Variants in TADA2B observed in about 807,000 individuals in gnomAD.
The protein encoded by TADA2B is transcriptional adapter 2-beta.
In TADA2B, 13 loss-of-function variants were observed where a neutral mutation model predicts 34.5. That is an observed-to-expected ratio of 0.38 (90% confidence interval 0.25 to 0.60). The LOEUF (loss-of-function observed/expected upper bound fraction) is 0.60, where lower values mean the gene tolerates loss of function less well. Among genes scored for constraint, TADA2B ranks in the 20% least tolerant of loss-of-function variants. The pLI is 0.65. For synonymous variants in TADA2B, 240 were observed against 243.4 expected, an observed-to-expected ratio of 0.99 and a Z score of 0.13; for missense variants, 442 against 575.0, an observed-to-expected ratio of 0.77 and a Z score of 2.37.
At chr4:7,049,143 A>C (rs1054315585) in intron 1 of TADA2B, among the ~76,000 whole-genome samples, 4 of 152,082 alleles carry the variant, frequency 2.6e-5, no homozygotes, top group African/African-American at 9.7e-5. Context: ...CAGTGGCACA[A>C]TCATGGCTCA....
At chr4:7,048,322 G>T (rs1383109328) in intron 1 of TADA2B, among the ~76,000 whole-genome samples, 1 of 152,124 alleles carries the variant, frequency 6.6e-6, no homozygotes, top group Non-Finnish European at 1.5e-5. Context: ...TGGCTGGGAG[G>T]GGCAGGGCAC....
In TADA2B at chr4:7,054,361, C is replaced by T; in HGVS notation, c.570C>T (p.Val190=). ...DAETLISGLS[V]NYDDDDVEIE... ...AGACGCTCATCAGCGGGCTCTCTGT[C>T]AACTATGATGACGACGACGTGGAGA... The change falls in exon 2 of 2, where the codon GTC becomes GTT. Residue 190 remains valine (V), a synonymous_variant. Coordinates refer to ENST00000310074, the MANE Select transcript of TADA2B (RefSeq NM_152293.3). 1 of 1,613,574 alleles carries T rather than the reference C, an allele frequency of 6.2e-7. No homozygotes were observed. Among genetic ancestry groups the T allele is most frequent in the Non-Finnish European group, 8.5e-7 (1 of 1,179,904 alleles).
chr4:7,053,530 T>C (rs907522), intron 1 of TADA2B: 139,734 of 153,002 alleles, frequency 0.91, 64,560 homozygotes, highest in East Asian at 1. Flanking sequence ...TTCCAGCGGG[T>C]GGCAACATGG....
In TADA2B at chr4:7,057,024, A is replaced by C. The variant is rs559155965; in HGVS notation, c.*1970A>C. On this transcript the variant is annotated 3_prime_UTR_variant, in exon 2 of 2. Coordinates refer to ENST00000310074, the MANE Select transcript of TADA2B (RefSeq NM_152293.3). ...AGGTGACTGGATGTAAGCTTGCTTG[A>C]GAACTATGGGTTTTAGCTATTCTGG... The C allele has an allele frequency of 2.6e-5, 4 of 152,360 alleles. No individual in the cohort carries two copies. The highest frequency in any genetic ancestry group is 9.6e-5 in the African/African-American group (4 of 41,580). The allele number at this position is 152,360 out of a possible 1,614,324, so 9.4% of individuals were successfully genotyped here.
rs1254366337 is a variant in TADA2B at position 7,043,674 on chromosome 4, GCC to G, written c.98_99del (p.Pro33ArgfsTer127). 1 of 1,584,250 alleles carries G rather than the reference GCC, an allele frequency of 6.3e-7. No individual in the cohort carries two copies. The highest frequency in any genetic ancestry group is 8.6e-7 in the Non-Finnish European group (1 of 1,168,176). ...ACCGAGTGCCAGGACATCGAGCTGT[GCC>G]CCGAGTGCTTCTCGGCCGGCGCCGA... On this transcript the variant is annotated frameshift_variant, in exon 1 of 2. Transcript: ENST00000310074. LOFTEE classifies it high-confidence loss of function.
rs1001475937 is a variant in TADA2B at position 7,057,284 on chromosome 4, G to A, written c.*2230G>A. The A allele has an allele frequency of 2.6e-5, 4 of 152,198 alleles. No individual in the cohort carries two copies. The highest frequency in any genetic ancestry group is 1.3e-4 in the Admixed American group (2 of 15,286). 9.4% of individuals were successfully genotyped at this position (152,198 alleles called of 1,614,324 possible). A position where few individuals can be genotyped will look rare whatever the true frequency, so the allele number is the denominator to read the frequency against. On this transcript the variant is annotated 3_prime_UTR_variant, in exon 2 of 2. Transcript: ENST00000310074. ...ATGAAGAATTTATTTAGGCTTGACT[G>A]TTTTAAAACACCATAATGAATGTAT... is the stretch of plus-strand genomic sequence containing the variant.
Position 7,054,413 on chromosome 4 carries a change from A to G in TADA2B, c.622A>G (p.Met208Val), listed in dbSNP as rs1463633096. ...CGAGCTGAAGCGCGCCCACGTGGAC[A>G]TGTACGTGCGGAAGCTGAAAGAGAG... ...EIELKRAHVD[M>V]YVRKLKERQR... Residue 208 changes from methionine to valine, a missense_variant, in exon 2 of 2, where the codon ATG becomes GTG. Met to Val is a conservative substitution (Grantham distance 21, BLOSUM62 1). This residue lies in a region of TADA2B where 222 missense variants were observed against 235.2 expected (regional missense o/e 0.94). Coordinates refer to ENST00000310074, the MANE Select transcript of TADA2B (RefSeq NM_152293.3). The G allele has an allele frequency of 3.1e-6, 5 of 1,613,690 alleles. No homozygotes were observed. The highest frequency in any genetic ancestry group is 3.4e-6 in the Non-Finnish European group (4 of 1,179,892).
intron 1 of TADA2B, among the ~76,000 whole-genome samples, chr4:7,047,281 T>C (rs1723653147): frequency 6.6e-6 from 1 of 152,302 alleles, no homozygotes; most frequent in East Asian, 1.9e-4. Flanking sequence ...GGAGGGCCAG[T>C]GCTCCTCTGC....
Position 7,054,208 on chromosome 4 carries a change from C to A in TADA2B, c.417C>A (p.Ser139Arg). ...GCGTGACAGACCACACCTGTCCCAG[C>A]GGAGGCCCCCTCTCACCCAGCCTCA... The part of the protein sequence containing the change: ...PNRVTDHTCP[S>R]GGPLSPSLTT... Residue 139 changes from serine (S) to arginine (R), a missense_variant, in exon 2 of 2, where the codon AGC (serine) becomes AGA (arginine). This residue lies in a region of TADA2B where 222 missense variants were observed against 235.2 expected (regional missense o/e 0.94). Transcript: ENST00000310074. 1 of 1,606,126 alleles carries A rather than the reference C, an allele frequency of 6.2e-7. No individual in the cohort carries two copies. Among genetic ancestry groups the A allele is most frequent in the Non-Finnish European group, 8.5e-7 (1 of 1,176,506 alleles).
At chr4:7,051,372 C>T (rs542511595) in intron 1 of TADA2B, among the ~76,000 whole-genome samples, 2 of 152,294 alleles carry the variant, frequency 1.3e-5, no homozygotes, top group Middle Eastern at 3.4e-3. Flanking sequence ...AGGGCACCTC[C>T]AGCAGGGTGG....
intron 1 of TADA2B, among the ~76,000 whole-genome samples, chr4:7,052,215 C>T (rs564501760): frequency 2.6e-5 from 4 of 152,376 alleles, no homozygotes; most frequent in East Asian, 3.9e-4. Context: ...AGGCCAAGGC[C>T]GGCTCTGCCC....
At chr4:7,052,407 A>G (rs1208736140) in intron 1 of TADA2B, among the ~76,000 whole-genome samples, 1 of 152,238 alleles carries the variant, frequency 6.6e-6, no homozygotes, top group Non-Finnish European at 1.5e-5. Flanking sequence ...TATCTGTTTC[A>G]GAGGCCATTG....
chr4:7,052,300 G>C (rs1199926401), intron 1 of TADA2B, among the ~76,000 whole-genome samples: 7 of 152,262 alleles, frequency 4.6e-5, no homozygotes, highest in Non-Finnish European at 7.3e-5. Flanking sequence ...AGGCACCCCA[G>C]GATGTTCACC....
chr4:7,051,315 TGCCCTACCAGGTGGACCCCAGCCCCTA>T lies in TADA2B; in HGVS notation c.271-2743_271-2717del, dbSNP rs554121340. On this transcript the variant is annotated intron_variant, in intron 1 of 1. Coordinates refer to ENST00000310074, the MANE Select transcript of TADA2B (RefSeq NM_152293.3). ...GCTGTGGCCGCACCTGCCTCCTCAC[TGCCCTACCAGGTGGACCCCAGCCCCTA>T]GCCTGGGCACGAGGAGCAAAGGGCA... Among the ~76,000 whole-genome samples the T allele has an allele frequency of 9.7e-3, 1,478 of 152,280 alleles. 12 individuals carry two copies. Among genetic ancestry groups the T allele is most frequent in the Middle Eastern group, 0.037 (11 of 294 alleles).
At chr4:7,053,972 C>CTTTGT in intron 1 of TADA2B, 90 bp from the exon 2 acceptor site, 5 of 1,421,950 alleles carry the variant, frequency 3.5e-6, no homozygotes, top group Non-Finnish European at 4.7e-6. Flanking sequence ...TACTCTAGGT[C>CTTTGT]AGCCTTTGTA....
intron 1 of TADA2B, among the ~76,000 whole-genome samples, chr4:7,047,771 C>T (rs1470710752): frequency 6.6e-6 from 1 of 152,158 alleles, no homozygotes; most frequent in African/African-American, 2.4e-5. Flanking sequence ...GTATTCAGGG[C>T]CAGGCAAAAG....
chr4:7,050,606 CCG>C (rs1723741802), intron 1 of TADA2B, among the ~76,000 whole-genome samples: 2 of 152,012 alleles, frequency 1.3e-5, no homozygotes, highest in Non-Finnish European at 2.9e-5. Context: ...GACAGCAGAG[CCG>C]CAGGGCTTTG....
At position 7,055,975 on chromosome 4, in the gene TADA2B, G is replaced by A. The variant is rs1383845064; in HGVS notation, c.*921G>A. On this transcript the variant is annotated 3_prime_UTR_variant, in exon 2 of 2. Coordinates refer to ENST00000310074, the MANE Select transcript of TADA2B (RefSeq NM_152293.3). ...CATTGTACAAAGTTCAAGGCTAAGAGTTCTGAATTCTGGCGTCAGCTTCCT... is the reference window on the plus strand; with the variant it reads ...CATTGTACAAAGTTCAAGGCTAAGAATTCTGAATTCTGGCGTCAGCTTCCT... The A allele has an allele frequency of 6.6e-6, 1 of 152,276 alleles. No individual in the cohort carries two copies. Among genetic ancestry groups the A allele is most frequent in the Non-Finnish European group, 1.5e-5 (1 of 68,058 alleles). 9.4% of individuals were successfully genotyped at this position (152,276 alleles called of 1,614,324 possible).
chr4:7,057,256 G>A lies in TADA2B; in HGVS notation c.*2202G>A, dbSNP rs1213831990. On this transcript the variant is annotated 3_prime_UTR_variant, in exon 2 of 2. Coordinates refer to ENST00000310074, the MANE Select transcript of TADA2B (RefSeq NM_152293.3). ...TTTTTAGTATGTATATCTTTTTGATGGTATGAAGAATTTATTTAGGCTTGA... is the reference window on the plus strand; with the variant it reads ...TTTTTAGTATGTATATCTTTTTGATAGTATGAAGAATTTATTTAGGCTTGA... 1 of 152,144 alleles carries A rather than the reference G, an allele frequency of 6.6e-6. No individual in the cohort carries two copies. Among genetic ancestry groups the A allele is most frequent in the Admixed American group, 6.6e-5 (1 of 15,264 alleles). 9.4% of individuals were successfully genotyped at this position (152,144 alleles called of 1,614,324 possible).
Sources: gnomAD v4.1 joint callset for allele counts (sites outside exome capture counted in the v4.1 genomes callset) on GRCh38, gnomAD v4.1.1 for gene constraint, gnomAD v4.1.1 regional missense constraint, MANE v1.5 for transcripts, NCBI Gene and HGNC (gene_info 2026-07-23, HGNC 2026-07-21) for gene names.